Variants in CCDC192 observed in about 807,000 individuals in gnomAD.
CCDC192 encodes the protein coiled-coil domain containing 192.
intron 2 of CCDC192, among the ~76,000 whole-genome samples, chr5:127,725,618 C>T (rs1451451287): frequency 2.0e-5 from 3 of 152,082 alleles, no homozygotes; most frequent in Non-Finnish European, 2.9e-5. Flanking sequence ...GTCAAACTAA[C>T]CATATTTTAA....
At chr5:127,931,295 A>G (rs894947751) in intron 6 of CCDC192, among the ~76,000 whole-genome samples, 3 of 152,210 alleles carry the variant, frequency 2.0e-5, no homozygotes, top group African/African-American at 7.2e-5. Flanking sequence ...AAAAACAGAA[A>G]CAAACCCCTG....
chr5:127,903,176 G>T (rs1169618459), intron 6 of CCDC192, among the ~76,000 whole-genome samples: 1 of 151,992 alleles, frequency 6.6e-6, no homozygotes, highest in Non-Finnish European at 1.5e-5. Flanking sequence ...AGTAATCCCA[G>T]CAGGATAAGA....
intron 2 of CCDC192, among the ~76,000 whole-genome samples, chr5:127,724,318 T>C (rs375923082): frequency 2.6e-5 from 4 of 152,188 alleles, no homozygotes; most frequent in African/African-American, 9.7e-5. Context: ...CCTGCGATCT[T>C]CCTTACAATA....
intron 6 of CCDC192, among the ~76,000 whole-genome samples, chr5:127,915,505 C>T (rs1243015335): frequency 6.6e-6 from 1 of 152,186 alleles, no homozygotes; most frequent in Non-Finnish European, 1.5e-5. Context: ...CCTCAGCCTC[C>T]CGAGTAGCTG....
At chr5:127,785,100 G>A in intron 3 of CCDC192, 1 of 518,092 alleles carries the variant, frequency 1.9e-6, no homozygotes, top group South Asian at 1.4e-5. Flanking sequence ...CTTCTGTGTT[G>A]TACTGAAGCA....
chr5:127,872,809 C>T (rs1339136539), intron 5 of CCDC192, among the ~76,000 whole-genome samples: 1 of 152,158 alleles, frequency 6.6e-6, no homozygotes, highest in Admixed American at 6.5e-5. Context: ...CTAAAGTCAA[C>T]TGCATGACTG....
At chr5:127,737,342 A>G (rs931062209) in intron 2 of CCDC192, among the ~76,000 whole-genome samples, 3 of 152,048 alleles carry the variant, frequency 2.0e-5, no homozygotes, top group African/African-American at 7.3e-5. Flanking sequence ...GGAGAGCTTT[A>G]CTTCCAAGTA....
intron 5 of CCDC192, among the ~76,000 whole-genome samples, chr5:127,866,379 A>G (rs1041716051): frequency 3.3e-5 from 5 of 151,126 alleles, no homozygotes; most frequent in Admixed American, 1.3e-4. Flanking sequence ...CATTGCTTCT[A>G]ATGAAGTCAG....
At chr5:127,727,075 C>T (rs188578593) in intron 2 of CCDC192, among the ~76,000 whole-genome samples, 154 of 152,294 alleles carry the variant, frequency 1.0e-3, no homozygotes, top group African/African-American at 3.5e-3. Flanking sequence ...TCTGCAGCCT[C>T]CTCTGGTGAC....
At chr5:127,927,421 G>A (rs1373502952) in intron 6 of CCDC192, among the ~76,000 whole-genome samples, 2 of 151,964 alleles carry the variant, frequency 1.3e-5, no homozygotes, top group Admixed American at 6.6e-5. Context: ...AGGCATCCAC[G>A]GGGGGTCTTG....
chr5:127,905,855 G>T (rs1243328932), intron 6 of CCDC192, among the ~76,000 whole-genome samples: 1 of 152,178 alleles, frequency 6.6e-6, no homozygotes, highest in Non-Finnish European at 1.5e-5. Flanking sequence ...AGAAAACTGA[G>T]AATTGCAGAA....
intron 5 of CCDC192, among the ~76,000 whole-genome samples, chr5:127,863,876 T>C (rs1433348390): frequency 6.6e-6 from 1 of 152,140 alleles, no homozygotes; most frequent in Non-Finnish European, 1.5e-5. Context: ...CTGAGCAAAA[T>C]TAAGGAGCAT....
At chr5:127,835,220 T>C (rs542001223) in intron 5 of CCDC192, among the ~76,000 whole-genome samples, 1 of 152,372 alleles carries the variant, frequency 6.6e-6, no homozygotes, top group Admixed American at 6.5e-5. Flanking sequence ...ATAAATGTTA[T>C]ATTTATTGAA....
intron 2 of CCDC192, among the ~76,000 whole-genome samples, chr5:127,752,372 G>C (rs1318877658): frequency 4.6e-5 from 7 of 152,134 alleles, no homozygotes; most frequent in Non-Finnish European, 8.8e-5. Context: ...GTACCCTGCC[G>C]TGTGAGGTGT....
chr5:127,853,232 A>G (rs909998161), intron 5 of CCDC192, among the ~76,000 whole-genome samples: 1 of 152,210 alleles, frequency 6.6e-6, no homozygotes, highest in Non-Finnish European at 1.5e-5. Flanking sequence ...TCCAGGGACT[A>G]TCTATGCCCC....
At chr5:127,922,588 A>T (rs1423223119) in intron 6 of CCDC192, among the ~76,000 whole-genome samples, 1 of 152,200 alleles carries the variant, frequency 6.6e-6, no homozygotes, top group African/African-American at 2.4e-5. Flanking sequence ...AAAAATACAA[A>T]AAGTTAGCCT....
intron 6 of CCDC192, among the ~76,000 whole-genome samples, chr5:127,896,290 A>AATG (rs1330718413): frequency 2.0e-5 from 3 of 152,104 alleles, no homozygotes; most frequent in African/African-American, 7.2e-5. Context: ...TAATAATAAT[A>AATG]ATAATTTTAA....
intron 3 of CCDC192, among the ~76,000 whole-genome samples, chr5:127,759,569 TG>T (rs1313915236): frequency 1.3e-5 from 2 of 152,180 alleles, no homozygotes; most frequent in East Asian, 3.9e-4. Context: ...AAATTCCCAT[TG>T]TTTATATGCT....
chr5:127,926,105 T>C (rs1466978081), intron 6 of CCDC192, among the ~76,000 whole-genome samples: 3 of 152,190 alleles, frequency 2.0e-5, no homozygotes, highest in African/African-American at 7.2e-5. Context: ...AGCTCCGCCT[T>C]TGCCTTATTT....
Sources: gnomAD v4.1 joint callset for allele counts (sites outside exome capture counted in the v4.1 genomes callset) on GRCh38, gnomAD v4.1.1 for gene constraint, MANE v1.5 for transcripts, NCBI Gene and HGNC (gene_info 2026-07-23, HGNC 2026-07-21) for gene names.